The following KIF15 variants were observed in gnomAD, a reference collection of about 807,000 sequenced individuals.
KIF15 encodes kinesin-like protein KIF15.
A neutral mutation model predicts 190.6 loss-of-function variants in KIF15; 140 were observed. The ratio of observed to expected loss-of-function variants is 0.73; its 90% CI spans 0.64 to 0.84. The LOEUF (loss-of-function observed/expected upper bound fraction) is 0.84, where lower values mean the gene tolerates loss of function less well. KIF15 is among the 40% of genes least tolerant of loss of function. The pLI is 0.00. For missense variants in KIF15, 1,372 were observed against 1,584.4 expected (o/e 0.87, Z 2.28); for synonymous variants, 528 against 551.3 (o/e 0.96, Z 0.59).
chr3:44,804,985 G>GA (rs375427715), intron 14 of KIF15, 42 bp from the exon 15 acceptor site: 176,378 of 1,247,768 alleles, frequency 0.14, 23 homozygotes, highest in Non-Finnish European at 0.15. Context: ...CCCTGTCTCA[G>GA]AAAAAAAAAA....
chr3:44,829,969 A>G lies in KIF15; in HGVS notation c.2944-2A>G. ...TGAAGATATTATTTCTGTCCTCATC[A>G]GAAAGTTGTAGCTGACCTCATGAAC... On this transcript the variant is annotated splice_acceptor_variant, in intron 24 of 34. Transcript: ENST00000326047. LOFTEE classifies it high-confidence loss of function. 4 of 1,555,974 alleles carry G rather than the reference A, an allele frequency of 2.6e-6. No individual in the cohort carries two copies. Among genetic ancestry groups the G allele is most frequent in the East Asian group, 4.7e-5 (2 of 42,406 alleles).
At chr3:44,779,434 G>C (rs1423853508) in intron 4 of KIF15, among the ~76,000 whole-genome samples, 1 of 152,180 alleles carries the variant, frequency 6.6e-6, no homozygotes, top group Non-Finnish European at 1.5e-5. Context: ...ATACATGGCA[G>C]GGTGGGTATA....
At chr3:44,784,599 G>T (rs1417271907) in intron 5 of KIF15, among the ~76,000 whole-genome samples, 1 of 152,192 alleles carries the variant, frequency 6.6e-6, no homozygotes, top group Non-Finnish European at 1.5e-5. Flanking sequence ...CCAAGGCCTG[G>T]AGCACAGGTC....
intron 30 of KIF15, among the ~76,000 whole-genome samples, chr3:44,847,488 A>G (rs917114944): frequency 1.1e-4 from 16 of 152,174 alleles, no homozygotes; most frequent in African/African-American, 3.9e-4. Flanking sequence ...ACATACACGG[A>G]AAGGCAGAGT....
chr3:44,822,394 C>T (rs1050670225), intron 20 of KIF15, among the ~76,000 whole-genome samples: 5 of 152,142 alleles, frequency 3.3e-5, no homozygotes, highest in Admixed American at 1.3e-4. Flanking sequence ...GATGGGCTTC[C>T]CTTTGTGGGT....
chr3:44,822,851 C>T (rs1370577845), intron 20 of KIF15, among the ~76,000 whole-genome samples: 1 of 152,036 alleles, frequency 6.6e-6, no homozygotes, highest in Non-Finnish European at 1.5e-5. Context: ...GGTTTTCAGC[C>T]CCATCAGTTC....
intron 22 of KIF15, chr3:44,827,138 CA>C (rs1371394080): frequency 2.4e-6 from 1 of 424,770 alleles, no homozygotes; most frequent in African/African-American, 2.0e-5. Flanking sequence ...AGAGTTGAAA[CA>C]GTGAACAAAA....
chr3:44,790,043 A>G (rs1177625404), intron 7 of KIF15, among the ~76,000 whole-genome samples: 2 of 152,218 alleles, frequency 1.3e-5, no homozygotes, highest in Non-Finnish European at 2.9e-5. Flanking sequence ...AAATGTTTGC[A>G]AAGTAGAAAT....
In KIF15 at chr3:44,794,354, C is replaced by T; in HGVS notation, c.777C>T (p.Ser259=). The T allele has an allele frequency of 6.2e-7, 1 of 1,613,614 alleles. No homozygotes were observed. Among genetic ancestry groups the T allele is most frequent in the Non-Finnish European group, 8.5e-7 (1 of 1,179,770 alleles). The part of the protein sequence containing the change: ...KSNEIVNIRT[S]LLNLVDLAGS... ...ATGAGATTGTGAATATACGGACCTC[C>T]CTACTCAACCTGGTGGATTTAGCAG... The change falls in exon 8 of 35, where the codon TCC becomes TCT. Residue 259 remains serine, a synonymous_variant. Transcript: ENST00000326047.
chr3:44,816,305 C>G (rs1708028377), intron 20 of KIF15, among the ~76,000 whole-genome samples: 1 of 152,120 alleles, frequency 6.6e-6, no homozygotes, highest in Non-Finnish European at 1.5e-5. Context: ...AGGTTTGTTA[C>G]ATAGGTATAC....
chr3:44,826,470 A>T lies in KIF15; in HGVS notation c.2786+10A>T. The T allele has an allele frequency of 6.4e-7, 1 of 1,559,824 alleles. No homozygotes were observed. Among genetic ancestry groups the T allele is most frequent in the Middle Eastern group, 1.8e-4 (1 of 5,708 alleles). ...AAGAAAACAGTTCTAAGTGAGTGCT[A>T]TTTATTTTTTCTACTAGCATACTAG... On this transcript the variant is annotated intron_variant, in intron 22 of 34. Coordinates refer to ENST00000326047, the MANE Select transcript of KIF15 (RefSeq NM_020242.3).
At chr3:44,783,992 ACT>A (rs1283154564) in intron 5 of KIF15, among the ~76,000 whole-genome samples, 5 of 151,826 alleles carry the variant, frequency 3.3e-5, no homozygotes, top group African/African-American at 7.3e-5. Flanking sequence ...CAAAATAGAG[ACT>A]CTGCATTTTT....
At chr3:44,761,952 C>T in intron 1 of KIF15, 68 bp downstream of exon 1, 3 of 1,599,528 alleles carry the variant, frequency 1.9e-6, no homozygotes, top group Non-Finnish European at 2.6e-6. Context: ...AGGATGGCAG[C>T]CTCGGACCGC....
intron 5 of KIF15, among the ~76,000 whole-genome samples, chr3:44,784,318 G>C (rs996658106): frequency 6.6e-6 from 1 of 151,120 alleles, no homozygotes; most frequent in African/African-American, 2.4e-5. Flanking sequence ...GACTACAGGC[G>C]CCCGCTACCA....
chr3:44,861,191 A>G (rs1003937155), intron 6 of KIF15, among the ~76,000 whole-genome samples: 12 of 151,336 alleles, frequency 7.9e-5, no homozygotes, highest in Middle Eastern at 3.2e-3. Context: ...GGGTTTCTCT[A>G]TGTTGGTCAG....
intron 7 of KIF15, among the ~76,000 whole-genome samples, chr3:44,787,641 G>T (rs369299581): frequency 6.6e-6 from 1 of 152,172 alleles, no homozygotes; most frequent in East Asian, 1.9e-4. Context: ...GACCAGTCTG[G>T]AGGGATTAAC....
downstream of KIF15, among the ~76,000 whole-genome samples, chr3:44,854,398 C>T (rs1575698051): frequency 6.7e-6 from 1 of 148,920 alleles, no homozygotes; most frequent in South Asian, 2.1e-4. Flanking sequence ...GGGAACTATA[C>T]ATTCAAAATG....
intron 30 of KIF15, among the ~76,000 whole-genome samples, chr3:44,844,118 C>T (rs936403562): frequency 6.6e-6 from 1 of 152,168 alleles, no homozygotes; most frequent in African/African-American, 2.4e-5. Flanking sequence ...ATTCCACTGA[C>T]TGCTGTCCAT....
At chr3:44,763,068 G>A (rs1257399289) in intron 1 of KIF15, among the ~76,000 whole-genome samples, 2 of 152,204 alleles carry the variant, frequency 1.3e-5, no homozygotes, top group Non-Finnish European at 2.9e-5. Flanking sequence ...CCAAATTTGA[G>A]AACCTTTCTA....
Sources: gnomAD v4.1 joint callset for allele counts (sites outside exome capture counted in the v4.1 genomes callset) on GRCh38, gnomAD v4.1.1 for gene constraint, MANE v1.5 for transcripts, NCBI Gene and HGNC (gene_info 2026-07-23, HGNC 2026-07-21) for gene names.